The following DPYSL2 variants were observed in gnomAD, a reference collection of about 807,000 sequenced individuals.
The protein encoded by DPYSL2 is dihydropyrimidinase like 2.
DPYSL2 carries 13 observed loss-of-function variants against 69.9 expected under a neutral mutation model. That is an observed-to-expected ratio of 0.19 (90% CI 0.12 to 0.30). The LOEUF (loss-of-function observed/expected upper bound fraction) is 0.30, where lower values mean the gene tolerates loss of function less well. Ranked by LOEUF, DPYSL2 falls within the 10% of genes least tolerant of loss-of-function variation. The probability of loss-of-function intolerance (pLI) is 1.00; values close to 1 mark genes in which losing one functional copy is unlikely to be tolerated. For missense variants in DPYSL2, 587 were observed against 918.9 expected (o/e 0.64, Z 4.67); for synonymous variants, 326 against 359.1 (o/e 0.91, Z 1.04).
chr8:26,539,680 C>G (rs1275168926), intron 1 of DPYSL2, among the ~76,000 whole-genome samples: 1 of 152,146 alleles, frequency 6.6e-6, no homozygotes, highest in African/African-American at 2.4e-5. Flanking sequence ...GCTGGGACTA[C>G]AGGGATGCAC....
Position 26,643,277 on chromosome 8 carries a change from T to G in DPYSL2, c.1127-162T>G. On this transcript the variant is annotated intron_variant, in intron 8 of 13. Coordinates refer to ENST00000521913, the MANE Select transcript of DPYSL2 (RefSeq NM_001197293.3). This position sits in a 1 kb window ranked among gnomAD's most constrained non-coding sequence, Gnocchi z 6.5. ...GACAGGCTGGCAGAGGTACTGAATT[T>G]CTCCAAGTCTCAGTTTCCTCATCTG... 1 of 696,294 alleles carries G rather than the reference T, an allele frequency of 1.4e-6. No homozygotes were observed. Among genetic ancestry groups the G allele is most frequent in the Non-Finnish European group, 2.2e-6 (1 of 448,844 alleles). 43.1% of individuals were successfully genotyped at this position (696,294 alleles called of 1,614,324 possible).
rs145806834 is a variant in DPYSL2 at position 26,617,264 on chromosome 8, A to G, written c.629-6879A>G. On this transcript the variant is annotated intron_variant, in intron 3 of 13. Transcript: ENST00000521913. The surrounding 1 kb of genome is among the most constrained non-coding windows in gnomAD (Gnocchi z 4.7). ...ATTTCTTAAAACTCCATGTGAGTCT[A>G]TAGTGAGTTTTAAAAAGAAAAAGTT... is the stretch of plus-strand genomic sequence containing the variant. Among the ~76,000 whole-genome samples, 206 of 152,330 alleles carry G rather than the reference A, an allele frequency of 1.4e-3. 1 individual carries two copies. The highest frequency in any genetic ancestry group is 4.8e-3 in the African/African-American group (199 of 41,586).
At chr8:26,604,693 A>T (rs1242512194) in intron 3 of DPYSL2, among the ~76,000 whole-genome samples, 1 of 151,366 alleles carries the variant, frequency 6.6e-6, no homozygotes, top group Non-Finnish European at 1.5e-5. Context: ...TTGCTCTGTC[A>T]CGTAGGCTGG....
rs1047797764 is a variant in DPYSL2, at chr8:26,650,905, A to T, written c.1597-1352A>T. On this transcript the variant is annotated intron_variant, in intron 11 of 13. Coordinates refer to ENST00000521913, the MANE Select transcript of DPYSL2 (RefSeq NM_001197293.3). This position sits in a 1 kb window ranked among gnomAD's most constrained non-coding sequence, Gnocchi z 5.3. ...TGTCAAGCTGAGAATTTACTGTAAAATGCCCTCAGTGGGGTTGTCCCCCAA... is the reference window on the plus strand; with the variant it reads ...TGTCAAGCTGAGAATTTACTGTAAATTGCCCTCAGTGGGGTTGTCCCCCAA... Among the ~76,000 whole-genome samples, 1 of 152,210 alleles carries T rather than the reference A, an allele frequency of 6.6e-6. No individual in the cohort carries two copies. Among genetic ancestry groups the T allele is most frequent in the Non-Finnish European group, 1.5e-5 (1 of 68,032 alleles).
In DPYSL2 at chr8:26,627,195, C is replaced by G. The variant is rs756668091; in HGVS notation, c.856-20C>G. The G allele has an allele frequency of 1.5e-5, 24 of 1,611,850 alleles. No homozygotes were observed. In the East Asian group the frequency reaches 5.3e-4, roughly 36 times the overall value. ...AGATGGAAGTCCCTGTCTCTGATCC[C>G]ACCCTTGTCTCTCTCTCAGATTTAT... On this transcript the variant is annotated intron_variant, in intron 5 of 13. Transcript: ENST00000521913. The surrounding 1 kb of genome is among the most constrained non-coding windows in gnomAD (Gnocchi z 6.9).
intron 1 of DPYSL2, among the ~76,000 whole-genome samples, chr8:26,575,026 C>T (rs1370121125): frequency 6.6e-6 from 1 of 152,222 alleles, no homozygotes; most frequent in African/African-American, 2.4e-5. Context: ...CTCCGCCTCC[C>T]GGATTCAAGT....
chr8:26,610,954 G>T lies in DPYSL2; in HGVS notation c.629-13189G>T, dbSNP rs988304794. Among the ~76,000 whole-genome samples, 5 of 152,214 alleles carry T rather than the reference G, an allele frequency of 3.3e-5. No individual in the cohort carries two copies. The highest frequency in any genetic ancestry group is 9.6e-5 in the African/African-American group (4 of 41,454). On this transcript the variant is annotated intron_variant, in intron 3 of 13. Coordinates refer to ENST00000521913, the MANE Select transcript of DPYSL2 (RefSeq NM_001197293.3). The surrounding 1 kb of genome is among the most constrained non-coding windows in gnomAD (Gnocchi z 4.5). Reference sequence around the variant, plus strand: ...ACAGGGTAAGGAGTCCTAAGGTTCTGTAGCTAGCCATGGTAGAGCTGGGGT... The same window carrying T: ...ACAGGGTAAGGAGTCCTAAGGTTCTTTAGCTAGCCATGGTAGAGCTGGGGT...
In DPYSL2 at chr8:26,514,183, C is replaced by T. The variant is rs954279349; in HGVS notation, c.-143C>T. 2.9e-6 allele frequency: 2 copies of T among 681,304 alleles called. No homozygotes were observed. Among genetic ancestry groups the T allele is most frequent in the South Asian group, 3.6e-5 (1 of 27,842 alleles). The allele number at this position is 681,304 out of a possible 1,614,324, so 42.2% of individuals were successfully genotyped here. On this transcript the variant is annotated 5_prime_UTR_variant, in exon 1 of 14. Transcript: ENST00000521913. This position sits in a 1 kb window ranked among gnomAD's most constrained non-coding sequence, Gnocchi z 8.4. ...AGGGTGGGTCGCCGGCTCGCCAGCC[C>T]TCCTTCCTTTCTGTGCACCTTGCGG...
At chr8:26,530,672 C>T (rs781191299) in intron 1 of DPYSL2, among the ~76,000 whole-genome samples, 2 of 152,138 alleles carry the variant, frequency 1.3e-5, no homozygotes, top group Non-Finnish European at 2.9e-5. Flanking sequence ...GAAACCGTTC[C>T]GATGCTGTTT....
intron 3 of DPYSL2, among the ~76,000 whole-genome samples, chr8:26,595,154 T>C (rs942666316): frequency 6.6e-6 from 1 of 152,076 alleles, no homozygotes; most frequent in African/African-American, 2.4e-5. Context: ...GCCCCAGAGT[T>C]TGAGGGTGCA....
At position 26,647,168 on chromosome 8, in the gene DPYSL2, C is replaced by T. The variant is rs1803185009; in HGVS notation, c.1426-462C>T. Among the ~76,000 whole-genome samples the T allele has an allele frequency of 6.6e-6, 1 of 152,044 alleles. No individual in the cohort carries two copies. Among genetic ancestry groups the T allele is most frequent in the Non-Finnish European group, 1.5e-5 (1 of 67,994 alleles). On this transcript the variant is annotated intron_variant, in intron 10 of 13. Transcript: ENST00000521913. This position sits in a 1 kb window ranked among gnomAD's most constrained non-coding sequence, Gnocchi z 5.1. ...TTGCAAAGATAGTACAGAGAGAGGTCCCGGGTACCCTTCACCCAGTTTCCC... is the reference window on the plus strand; with the variant it reads ...TTGCAAAGATAGTACAGAGAGAGGTTCCGGGTACCCTTCACCCAGTTTCCC...
rs982634936 is a variant in DPYSL2 at position 26,653,416 on chromosome 8, G to A, written c.1942+19G>A. ...TTGTCTGGTAGGGTTGGGGCTTGGGGAGGGCACAGTTCTGCAGGGCCAGCT... is the reference window on the plus strand; with the variant it reads ...TTGTCTGGTAGGGTTGGGGCTTGGGAAGGGCACAGTTCTGCAGGGCCAGCT... On this transcript the variant is annotated intron_variant, in intron 13 of 13. Coordinates refer to ENST00000521913, the MANE Select transcript of DPYSL2 (RefSeq NM_001197293.3). The surrounding 1 kb of genome is among the most constrained non-coding windows in gnomAD (Gnocchi z 5.7). 1.9e-6 allele frequency: 3 copies of A among 1,607,966 alleles called. No homozygotes were observed. Among genetic ancestry groups the A allele is most frequent in the African/African-American group, 2.7e-5 (2 of 74,848 alleles).
rs149903063 is a variant in DPYSL2, at chr8:26,534,681, G to A, written c.354+20002G>A. ...ACAGGGTCTCATTCTCACCCAGGCT[G>A]GAATGCAGTGGCACAATCATAGCTC... On this transcript the variant is annotated intron_variant, in intron 1 of 13. Coordinates refer to ENST00000521913, the MANE Select transcript of DPYSL2 (RefSeq NM_001197293.3). Among the ~76,000 whole-genome samples, 669 of 151,964 alleles carry A rather than the reference G, an allele frequency of 4.4e-3. 11 individuals carry two copies. The highest frequency in any genetic ancestry group is 0.015 in the African/African-American group (621 of 41,442).
Position 26,627,307 on chromosome 8 carries a change from T to C in DPYSL2, c.936+12T>C. 1 of 1,614,038 alleles carries C rather than the reference T, an allele frequency of 6.2e-7. No individual in the cohort carries two copies. The highest frequency in any genetic ancestry group is 1.1e-5 in the South Asian group (1 of 91,068). On this transcript the variant is annotated intron_variant, in intron 6 of 13. Coordinates refer to ENST00000521913, the MANE Select transcript of DPYSL2 (RefSeq NM_001197293.3). The surrounding 1 kb of genome is among the most constrained non-coding windows in gnomAD (Gnocchi z 6.9). ...ACATCATTGCAGAGGTACAGGGCTT[T>C]CTTTTTCGTCATTTCTTCATCACCT...
At chr8:26,532,501 A>G (rs1800524814) in intron 1 of DPYSL2, among the ~76,000 whole-genome samples, 1 of 152,238 alleles carries the variant, frequency 6.6e-6, no homozygotes, top group South Asian at 2.1e-4. Flanking sequence ...CATCCCCAAA[A>G]GAAACCCAGT....
rs1802175502 is a variant in DPYSL2 at position 26,609,234 on chromosome 8, C to T, written c.629-14909C>T. On this transcript the variant is annotated intron_variant, in intron 3 of 13. Transcript: ENST00000521913. The surrounding 1 kb of genome is among the most constrained non-coding windows in gnomAD (Gnocchi z 6.5). ...ATTTGTACAGAAGGATTTTTGTAAT[C>T]AAATCATGGGGTTTGTGTGTAGAAC... Among the ~76,000 whole-genome samples, 1 of 152,152 alleles carries T rather than the reference C, an allele frequency of 6.6e-6. No homozygotes were observed. The highest frequency in any genetic ancestry group is 1.5e-5 in the Non-Finnish European group (1 of 68,010).
intron 3 of DPYSL2, among the ~76,000 whole-genome samples, chr8:26,599,851 C>T (rs917118623): frequency 1.3e-5 from 2 of 152,122 alleles, no homozygotes; most frequent in Non-Finnish European, 2.9e-5. Flanking sequence ...GCATCACTAC[C>T]ATCTAATATC....
chr8:26,553,441 A>C (rs1015190395), intron 1 of DPYSL2, among the ~76,000 whole-genome samples: 7 of 152,016 alleles, frequency 4.6e-5, no homozygotes, highest in African/African-American at 1.7e-4. Flanking sequence ...ATGTGTTTTC[A>C]TCACTTAGCT....
At chr8:26,583,644 G>A (rs1014507604) in intron 2 of DPYSL2, among the ~76,000 whole-genome samples, 155 bp from the exon 3 acceptor site, 3 of 152,090 alleles carry the variant, frequency 2.0e-5, no homozygotes, top group Non-Finnish European at 4.4e-5. Flanking sequence ...CTGGGGGGTA[G>A]GAGTATATAG....
Sources: allele counts gnomAD v4.1 joint callset (sites outside exome capture counted in the v4.1 genomes callset), GRCh38; gene constraint gnomAD v4.1.1; non-coding constraint Gnocchi (gnomAD v3.1); transcripts MANE v1.5; gene names NCBI Gene and HGNC (gene_info 2026-07-23, HGNC 2026-07-21).